Variants in ZFHX3 observed in about 807,000 individuals in gnomAD.
The protein encoded by ZFHX3 is zinc finger homeobox protein 3.
ZFHX3 carries 42 observed loss-of-function variants against 279.1 expected under a neutral mutation model. The observed-to-expected ratio is 0.15, with a 90% CI of 0.12 to 0.19. The LOEUF is 0.19. Ranked by LOEUF, ZFHX3 falls within the 10% of genes least tolerant of loss-of-function variation. The pLI is 1.00. For missense variants in ZFHX3, 4,981 were observed against 4,754.0 expected, an observed-to-expected ratio of 1.05 and a Z score of -1.40; for synonymous variants, 2,293 against 1,957.8, an observed-to-expected ratio of 1.17 and a Z score of -4.52.
intron 5 of ZFHX3, among the ~76,000 whole-genome samples, chr16:73,191,796 C>G (rs1597212649): frequency 6.6e-6 from 1 of 152,140 alleles, no homozygotes; most frequent in East Asian, 1.9e-4. Flanking sequence ...CTGGGCTGCC[C>G]TGGGAATCTC....
intron 3 of ZFHX3, among the ~76,000 whole-genome samples, chr16:73,423,931 G>C (rs989172224): frequency 7.2e-5 from 11 of 151,766 alleles, no homozygotes; most frequent in Non-Finnish European, 1.5e-4. Context: ...ACAATATTGG[G>C]TCTCTGTGAG....
chr16:73,004,475 CCCA>C (rs554635574), intron 1 of ZFHX3, among the ~76,000 whole-genome samples: 168 of 151,702 alleles, frequency 1.1e-3, no homozygotes, highest in African/African-American at 3.9e-3. Context: ...ATTACAGATG[CCCA>C]CCATCACGCC....
At chr16:73,299,882 G>C (rs1305982778) in intron 4 of ZFHX3, among the ~76,000 whole-genome samples, 15 of 152,190 alleles carry the variant, frequency 9.9e-5, no homozygotes, top group Admixed American at 9.8e-4. Context: ...AATTAGGGTA[G>C]TCTCATGATC....
chr16:73,445,858 G>C (rs1237414248), intron 3 of ZFHX3, among the ~76,000 whole-genome samples: 1 of 150,672 alleles, frequency 6.6e-6, no homozygotes, highest in African/African-American at 2.4e-5. Flanking sequence ...CCCTGAGGTG[G>C]AATAACTGTG....
chr16:73,053,100 A>C (rs929192403), upstream of ZFHX3, among the ~76,000 whole-genome samples: 1 of 152,062 alleles, frequency 6.6e-6, no homozygotes, highest in African/African-American at 2.4e-5. Context: ...TTTTTTTTTA[A>C]CCTAAAACCC....
chr16:73,835,458 CTTTTTTTTTTTTTT>C (rs34127285), intron 1 of ZFHX3, among the ~76,000 whole-genome samples: 11 of 49,538 alleles, frequency 2.2e-4, no homozygotes, highest in Admixed American at 1.9e-3. Context: ...CCCTCTTCTG[CTTTTTTTTTTTTTT>C]TTTTTTTTTT....
At chr16:73,864,157 G>A in intron 1 of ZFHX3, among the ~76,000 whole-genome samples, 1 of 152,076 alleles carries the variant, frequency 6.6e-6, no homozygotes. Flanking sequence ...TTGCAGTTCT[G>A]ACTTCATGAA....
At chr16:73,664,518 T>G (rs185640279) in intron 2 of ZFHX3, among the ~76,000 whole-genome samples, 120 of 152,294 alleles carry the variant, frequency 7.9e-4, no homozygotes, top group Middle Eastern at 3.4e-3. Flanking sequence ...GCAAGTGATT[T>G]AAAAAAATCA....
In ZFHX3 at chr16:73,492,894, T is replaced by A. The variant is rs943155885; in HGVS notation, c.-1546-36636A>T. Among the ~76,000 whole-genome samples, 4 of 152,306 alleles carry A rather than the reference T, an allele frequency of 2.6e-5. No individual in the cohort carries two copies. In the South Asian group the frequency reaches 8.3e-4, roughly 32 times the overall value. Reference sequence around the variant, plus strand: ...CTGGTGACCAACCATGACTGTATTATTTCTCACTGTAACCACTGTGCATCG... The same window carrying A: ...CTGGTGACCAACCATGACTGTATTAATTCTCACTGTAACCACTGTGCATCG... On this transcript the variant is annotated intron_variant, in intron 2 of 17. Coordinates refer to the ZFHX3 transcript ENST00000641206.
At chr16:73,611,999 G>A (rs1010664104) in intron 2 of ZFHX3, among the ~76,000 whole-genome samples, 2 of 152,140 alleles carry the variant, frequency 1.3e-5, no homozygotes, top group African/African-American at 2.4e-5. Flanking sequence ...TGTTAATAAT[G>A]CTGAAAGACA....
chr16:73,167,829 C>T (rs938465529), intron 5 of ZFHX3, among the ~76,000 whole-genome samples: 6 of 152,192 alleles, frequency 3.9e-5, no homozygotes, highest in African/African-American at 7.2e-5. Context: ...TTCACCTACC[C>T]GCTTGAACCT....
intron 3 of ZFHX3, among the ~76,000 whole-genome samples, chr16:73,377,335 C>A (rs1023196706): frequency 6.6e-6 from 1 of 152,080 alleles, no homozygotes; most frequent in Non-Finnish European, 1.5e-5. Flanking sequence ...CTCTGTCCCC[C>A]ACATGTGACC....
chr16:73,097,755 C>T (rs567913045), intron 7 of ZFHX3, among the ~76,000 whole-genome samples: 1 of 152,326 alleles, frequency 6.6e-6, no homozygotes, highest in East Asian at 1.9e-4. Flanking sequence ...CCTCCAGCCC[C>T]TGGAAACCTC....
intron 4 of ZFHX3, among the ~76,000 whole-genome samples, chr16:73,268,028 G>T (rs1040377305): frequency 6.6e-6 from 1 of 152,196 alleles, no homozygotes; most frequent in Admixed American, 6.5e-5. Flanking sequence ...GATTTCAGAA[G>T]ATTTGATTTA....
chr16:73,882,762 T>A (rs1448815106), intron 1 of ZFHX3, among the ~76,000 whole-genome samples: 1 of 152,088 alleles, frequency 6.6e-6, no homozygotes, highest in Non-Finnish European at 1.5e-5. Flanking sequence ...TTTTTAAGCT[T>A]CTTGGGTGCC....
intron 4 of ZFHX3, among the ~76,000 whole-genome samples, chr16:73,302,752 T>A (rs1220040424): frequency 6.6e-6 from 1 of 152,166 alleles, no homozygotes; most frequent in African/African-American, 2.4e-5. Flanking sequence ...TGGGTGACGA[T>A]GACCATCTGA....
intron 8 of ZFHX3, among the ~76,000 whole-genome samples, chr16:72,799,571 G>A (rs2036032071): frequency 6.6e-6 from 1 of 152,174 alleles, no homozygotes; most frequent in African/African-American, 2.4e-5. Context: ...CTACAACAAT[G>A]TTCTTTCCAT....
At chr16:73,711,606 C>T (rs934975466) in intron 1 of ZFHX3, among the ~76,000 whole-genome samples, 8 of 152,062 alleles carry the variant, frequency 5.3e-5, no homozygotes, top group Middle Eastern at 3.2e-3. Flanking sequence ...GAGGCAGACA[C>T]CACTCAGCCA....
rs538588284 is a variant in ZFHX3, at chr16:73,656,036, T to C, written c.-1547+24144A>G. On this transcript the variant is annotated intron_variant, in intron 2 of 17. Coordinates refer to the ZFHX3 transcript ENST00000641206. ...AATTATAGAGTGGAGTATTATGCAA[T>C]GATGAAAATGAACAAACTATAGCTA... 2.6e-5 allele frequency among the ~76,000 whole-genome samples: 4 copies of C among 152,354 alleles called. No homozygotes were observed. The East Asian group carries it at 7.7e-4, about 29-fold the overall frequency.
Sources: gnomAD v4.1 joint callset for allele counts (sites outside exome capture counted in the v4.1 genomes callset) on GRCh38, gnomAD v4.1.1 for gene constraint, MANE v1.5 for transcripts, NCBI Gene and HGNC (gene_info 2026-07-23, HGNC 2026-07-21) for gene names.